The following HS6ST2 variants were observed in gnomAD, a reference collection of about 807,000 sequenced individuals.
HS6ST2 encodes the protein heparan-sulfate 6-O-sulfotransferase 2.
In HS6ST2, 17 loss-of-function variants were observed where a neutral mutation model predicts 33.0. The observed-to-expected ratio is 0.52, with a 90% confidence interval of 0.35 to 0.77. The LOEUF is 0.77. Ranked by LOEUF, HS6ST2 falls within the 30% of genes least tolerant of loss-of-function variation. The pLI is 0.01. For missense variants in HS6ST2, 519 were observed against 551.7 expected (o/e 0.94, Z 0.59); for synonymous variants, 248 against 237.1 (o/e 1.05, Z -0.42).
At chrX:132,776,517 A>C (rs1300194553) in intron 2 of HS6ST2, among the ~76,000 whole-genome samples, 1 of 111,573 alleles carries the variant, frequency 9.0e-6, no homozygotes. Context: ...TGTGTTCACT[A>C]TTTCAACTTG....
At chrX:132,802,667 C>T (rs949371976) in intron 2 of HS6ST2, among the ~76,000 whole-genome samples, 1 of 110,220 alleles carries the variant, frequency 9.1e-6, no homozygotes, top group Non-Finnish European at 1.9e-5. Flanking sequence ...GCCTGGGAAC[C>T]GCAGGGCACC....
chrX:132,861,106 C>A (rs769311106), intron 2 of HS6ST2, among the ~76,000 whole-genome samples: 5 of 111,054 alleles, frequency 4.5e-5, no homozygotes, highest in Middle Eastern at 4.6e-3. Flanking sequence ...GTGTATCTTT[C>A]GACAGGATTG....
intron 2 of HS6ST2, among the ~76,000 whole-genome samples, chrX:132,833,850 C>A (rs1188473333): frequency 9.1e-6 from 1 of 109,357 alleles, no homozygotes; most frequent in Non-Finnish European, 1.9e-5. Flanking sequence ...ATATGTGCCA[C>A]GCTGGTGTGC....
chrX:132,876,009 AT>A (rs1239135179), intron 2 of HS6ST2, among the ~76,000 whole-genome samples: 3 of 111,651 alleles, frequency 2.7e-5, no homozygotes, highest in African/African-American at 9.8e-5. Context: ...GGTCATTTCA[AT>A]GTGGGAGATT....
At chrX:132,834,634 G>A (rs1330467252) in intron 2 of HS6ST2, among the ~76,000 whole-genome samples, 1 of 112,131 alleles carries the variant, frequency 8.9e-6, no homozygotes, top group Non-Finnish European at 1.9e-5. Context: ...AATTTTCTTC[G>A]TAATTTGAGA....
intron 4 of HS6ST2, among the ~76,000 whole-genome samples, chrX:132,633,444 C>G (rs1010998025): frequency 1.8e-5 from 2 of 111,073 alleles, no homozygotes; most frequent in Admixed American, 9.6e-5. Context: ...GAAGACAAGG[C>G]AAAAGAGAAG....
intron 2 of HS6ST2, among the ~76,000 whole-genome samples, chrX:132,778,415 T>C (rs2064986163): frequency 9.0e-6 from 1 of 111,518 alleles, no homozygotes; most frequent in African/African-American, 3.3e-5. Flanking sequence ...GTTTTTTGTT[T>C]TTGAGATGGA....
At chrX:132,956,761 C>T in intron 2 of HS6ST2, 47 bp downstream of exon 2, 1 of 1,122,035 alleles carries the variant, frequency 8.9e-7, no homozygotes, top group Non-Finnish European at 1.2e-6. Context: ...TCCCAGCCCT[C>T]CGCCCGCCTA....
intron 2 of HS6ST2, among the ~76,000 whole-genome samples, chrX:132,945,239 A>C (rs887393019): frequency 1.2e-4 from 13 of 112,466 alleles, no homozygotes; most frequent in African/African-American, 3.9e-4. Flanking sequence ...ATGCAGCCAA[A>C]AGACACATGA....
intron 2 of HS6ST2, among the ~76,000 whole-genome samples, chrX:132,738,545 T>C (rs1034145782): frequency 1.8e-5 from 2 of 112,890 alleles, no homozygotes; most frequent in African/African-American, 6.4e-5. Flanking sequence ...CAAAATGCAG[T>C]AACTGCTATG....
intron 2 of HS6ST2, among the ~76,000 whole-genome samples, chrX:132,884,968 T>C (rs978691770): frequency 8.9e-6 from 1 of 111,788 alleles, no homozygotes; most frequent in Admixed American, 9.5e-5. Flanking sequence ...AACATTATTA[T>C]AATATATACT....
At chrX:132,814,886 C>T (rs183546683) in intron 2 of HS6ST2, among the ~76,000 whole-genome samples, 78 of 112,348 alleles carry the variant, frequency 6.9e-4, no homozygotes, top group African/African-American at 2.5e-3. Context: ...ATGTCTTCTT[C>T]TCTCGCCCTC....
intron 2 of HS6ST2, among the ~76,000 whole-genome samples, chrX:132,939,144 C>T (rs1156682633): frequency 1.1e-4 from 12 of 111,357 alleles, no homozygotes; most frequent in Admixed American, 1.1e-3. Context: ...GAGATCTGCT[C>T]CCATAATCCA....
At chrX:132,918,979 G>A (rs968213891) in intron 2 of HS6ST2, among the ~76,000 whole-genome samples, 2 of 112,223 alleles carry the variant, frequency 1.8e-5, no homozygotes, top group Non-Finnish European at 3.8e-5. Flanking sequence ...GGTGGACTAT[G>A]TTTGATGATG....
chrX:132,898,015 C>T (rs1437737903), intron 2 of HS6ST2, among the ~76,000 whole-genome samples: 1 of 111,164 alleles, frequency 9.0e-6, no homozygotes, highest in Non-Finnish European at 1.9e-5. Context: ...GCAAGCATTA[C>T]TGCCTGAGCT....
chrX:132,735,902 C>T (rs188053885), intron 2 of HS6ST2, among the ~76,000 whole-genome samples: 3 of 111,201 alleles, frequency 2.7e-5, no homozygotes, highest in African/African-American at 6.5e-5. Context: ...TGCAGTAATG[C>T]GATCCTGGCT....
chrX:132,651,243 AAG>A (rs759514594), intron 4 of HS6ST2, among the ~76,000 whole-genome samples: 10 of 112,359 alleles, frequency 8.9e-5, no homozygotes, highest in Non-Finnish European at 1.5e-4. Context: ...TATGGAATAC[AAG>A]ACAGGGAAGT....
At chrX:132,773,131 A>G (rs1296361681) in intron 2 of HS6ST2, among the ~76,000 whole-genome samples, 4 of 98,684 alleles carry the variant, frequency 4.1e-5, no homozygotes, top group Non-Finnish European at 7.9e-5. Context: ...AGATATTAAT[A>G]TATTAATCAT....
chrX:132,772,360 T>A (rs1478425987), intron 2 of HS6ST2, among the ~76,000 whole-genome samples: 3 of 110,166 alleles, frequency 2.7e-5, no homozygotes, highest in Non-Finnish European at 5.7e-5. Context: ...GTTTAGCAGA[T>A]CCCCAATCCC....
Sources: allele counts gnomAD v4.1 joint callset (sites outside exome capture counted in the v4.1 genomes callset), GRCh38; gene constraint gnomAD v4.1.1; transcripts MANE v1.5; gene names NCBI Gene and HGNC (gene_info 2026-07-23, HGNC 2026-07-21).